POLR3E: variants seen among roughly 807,000 people sequenced by gnomAD.
POLR3E encodes RNA polymerase III subunit E, also known as DNA-directed RNA polymerase III subunit RPC5.
POLR3E carries 41 observed loss-of-function variants against 96.6 expected under a neutral mutation model. That is an observed-to-expected ratio of 0.42 (90% CI 0.33 to 0.55). The LOEUF (loss-of-function observed/expected upper bound fraction) is 0.55. Ranked by LOEUF, POLR3E falls within the 20% of genes least tolerant of loss-of-function variation. POLR3E has a pLI of 0.06. For missense variants in POLR3E, 849 were observed against 952.1 expected (o/e 0.89, Z 1.43); for synonymous variants, 396 against 383.6 (o/e 1.03, Z -0.38).
chr16:22,325,619 C>T, intron 17 of POLR3E, 142 bp from the exon 18 acceptor site: 2 of 987,516 alleles, frequency 2.0e-6, no homozygotes, highest in Non-Finnish European at 2.9e-6. Flanking sequence ...TTCTCTCTTC[C>T]ACTGATGGGG....
intron 19 of POLR3E, chr16:22,328,848 G>A: frequency 2.4e-6 from 1 of 422,468 alleles, no homozygotes. Context: ...AATACAGGCT[G>A]GGCGTAGTGG....
chr16:22,326,188 G>A lies in POLR3E; in HGVS notation c.1776G>A (p.Leu592=). The A allele has an allele frequency of 6.2e-7, 1 of 1,613,926 alleles. No individual in the cohort carries two copies. The highest frequency in any genetic ancestry group is 8.5e-7 in the Non-Finnish European group (1 of 1,179,978). Residue 592 remains leucine (L), a synonymous_variant, in exon 18 of 21, where the codon CTG becomes CTA. Transcript: ENST00000299853. ...KRLFNLHLAS[L]PPGHTLFSGI... ...TCTTCAATCTGCACTTGGCCAGCCT[G>A]CCCCCCGGCCACACACTCTTCAGCG...
Position 22,313,017 on chromosome 16 carries a change from A to G in POLR3E, c.365-603A>G, listed in dbSNP as rs1458506985. On this transcript the variant is annotated intron_variant, in intron 6 of 20. Transcript: ENST00000299853. The surrounding 1 kb of genome is among the most constrained non-coding windows in gnomAD (Gnocchi z 4.1). ...ATATAACTCGCGCGTTCTGTTTAGAACCCATGTCTCAAGCATGTAATTCTT... is the reference window on the plus strand; with the variant it reads ...ATATAACTCGCGCGTTCTGTTTAGAGCCCATGTCTCAAGCATGTAATTCTT... Among the ~76,000 whole-genome samples, 1 of 152,140 alleles carries G rather than the reference A, an allele frequency of 6.6e-6. No individual in the cohort carries two copies. Among genetic ancestry groups the G allele is most frequent in the Non-Finnish European group, 1.5e-5 (1 of 68,020 alleles).
chr16:22,328,695 TTTCTGGCACACTCGGTTTTAAATA>T, intron 19 of POLR3E, 108 bp downstream of exon 19: 2 of 857,662 alleles, frequency 2.3e-6, no homozygotes, highest in South Asian at 2.7e-5. Flanking sequence ...CATTTCAGAT[TTTCTGGCACACTCGGTTTTAAATA>T]TCCTGCTCCA....
At chr16:22,306,386 G>A (rs1380846125) in intron 3 of POLR3E, among the ~76,000 whole-genome samples, 1 of 152,136 alleles carries the variant, frequency 6.6e-6, no homozygotes, top group Non-Finnish European at 1.5e-5. Flanking sequence ...ATCCTGAGTA[G>A]TTGGGACTAC....
rs1167772983 is a variant in POLR3E, at chr16:22,313,605, T to G, written c.365-15T>G. On this transcript the variant is annotated splice_polypyrimidine_tract_variant and intron_variant, in intron 6 of 20. Transcript: ENST00000299853. This position sits in a 1 kb window ranked among gnomAD's most constrained non-coding sequence, Gnocchi z 4.1. The stretch of plus-strand genomic sequence containing the variant: ...GGTTTCTAGAGTTGAGTCCAAGCCC[T>G]TCTTCCTCCGCCAGGTGAGCTCCAC... The G allele has an allele frequency of 6.3e-7, 1 of 1,592,566 alleles. No homozygotes were observed.
chr16:22,309,844 T>G, intron 6 of POLR3E: 1 of 316,752 alleles, frequency 3.2e-6, no homozygotes, highest in Non-Finnish European at 6.0e-6. Flanking sequence ...AGCAATTCCA[T>G]TCCTAGGCAG....
rs142492549 is a variant in POLR3E, at chr16:22,318,839, T to C, written c.879T>C (p.Pro293=). The change falls in exon 13 of 21, where the codon CCT becomes CCC. Residue 293 remains proline, a synonymous_variant. Coordinates refer to ENST00000299853, the MANE Select transcript of POLR3E (RefSeq NM_018119.4). This position sits in a 1 kb window ranked among gnomAD's most constrained non-coding sequence, Gnocchi z 5.0. ...KILMKNVKVM[P]FANLMSLLGP... ...CGTCCTCCTCAGTGAAGGTCATGCC[T>C]TTTGCCAACTTGATGAGCCTCCTGG... 13 of 1,612,856 alleles carry C rather than the reference T, an allele frequency of 8.1e-6. No individual in the cohort carries two copies. The highest frequency in any genetic ancestry group is 1.1e-5 in the Non-Finnish European group (13 of 1,179,262).
At chr16:22,325,412 C>T in intron 17 of POLR3E, 146 bp downstream of exon 17, 1 of 729,698 alleles carries the variant, frequency 1.4e-6, no homozygotes. Flanking sequence ...TTTCCTGCCA[C>T]CCACAGACCG....
At chr16:22,332,382 T>C (rs1408646530) in intron 20 of POLR3E, among the ~76,000 whole-genome samples, 197 bp downstream of exon 20, 2 of 152,194 alleles carry the variant, frequency 1.3e-5, no homozygotes, top group Non-Finnish European at 2.9e-5. Flanking sequence ...GCCAGAGGAC[T>C]GACCCCTTCA....
At chr16:22,333,476 CT>C (rs2048787272) in intron 20 of POLR3E, among the ~76,000 whole-genome samples, 167 bp from the exon 21 acceptor site, 1 of 151,660 alleles carries the variant, frequency 6.6e-6, no homozygotes, top group Non-Finnish European at 1.5e-5. Flanking sequence ...AACACTACCC[CT>C]GAGGAAAGGG....
intron 2 of POLR3E, among the ~76,000 whole-genome samples, chr16:22,304,853 A>G (rs2048101851): frequency 6.6e-6 from 1 of 152,054 alleles, no homozygotes; most frequent in Non-Finnish European, 1.5e-5. Flanking sequence ...AGGCTGTAGG[A>G]CGTTTCCCGA....
At chr16:22,299,034 C>T in intron 1 of POLR3E, 1 of 455,970 alleles carries the variant, frequency 2.2e-6, no homozygotes, top group Non-Finnish European at 4.4e-6. Flanking sequence ...GCAAATAGAC[C>T]AGGTAGTTCC....
At chr16:22,316,572 T>G in intron 9 of POLR3E, 29 bp from the exon 10 acceptor site, 1 of 1,580,688 alleles carries the variant, frequency 6.3e-7, no homozygotes, top group Non-Finnish European at 8.7e-7. Context: ...CAGCTGAGGC[T>G]CCTCTCACAC....
chr16:22,309,710 A>G (rs2048206938), intron 6 of POLR3E, 200 bp downstream of exon 6: 2 of 606,586 alleles, frequency 3.3e-6, no homozygotes, highest in Non-Finnish European at 5.9e-6. Flanking sequence ...TGCTGGCTGG[A>G]CACTGCCTGA....
At chr16:22,325,585 A>C (rs751332336) in intron 17 of POLR3E, among the ~76,000 whole-genome samples, 176 bp from the exon 18 acceptor site, 1 of 152,118 alleles carries the variant, frequency 6.6e-6, no homozygotes, top group African/African-American at 2.4e-5. Context: ...CCTTCCCCGC[A>C]TGACTCTCGG....
At chr16:22,307,694 T>G (rs1000142062) in intron 3 of POLR3E, among the ~76,000 whole-genome samples, 3 of 152,214 alleles carry the variant, frequency 2.0e-5, no homozygotes, top group Non-Finnish European at 2.9e-5. Flanking sequence ...CTGCCCGTCG[T>G]CTGGCCTCAG....
intron 6 of POLR3E, among the ~76,000 whole-genome samples, chr16:22,311,120 A>T (rs2048236400): frequency 6.6e-6 from 1 of 152,054 alleles, no homozygotes; most frequent in South Asian, 2.1e-4. Context: ...TGCACACACC[A>T]CCATGCCCAG....
chr16:22,312,402 C>A (rs2048264725), intron 6 of POLR3E, among the ~76,000 whole-genome samples: 1 of 152,090 alleles, frequency 6.6e-6, no homozygotes, highest in Non-Finnish European at 1.5e-5. Flanking sequence ...GAGGCTGAGG[C>A]AGGAGAATCG....
Sources: allele counts gnomAD v4.1 joint callset (sites outside exome capture counted in the v4.1 genomes callset), GRCh38; gene constraint gnomAD v4.1.1; non-coding constraint Gnocchi (gnomAD v3.1); transcripts MANE v1.5; gene names NCBI Gene and HGNC (gene_info 2026-07-23, HGNC 2026-07-21).